The following CD274 variants were observed in gnomAD, a reference collection of about 807,000 sequenced individuals.
CD274 encodes programmed cell death 1 ligand 1.
In CD274, 8 loss-of-function variants were observed where a neutral mutation model predicts 30.1. The ratio of observed to expected loss-of-function variants is 0.27; its 90% CI spans 0.16 to 0.48. The LOEUF is 0.48. Among genes scored for constraint, CD274 ranks in the 20% least tolerant of loss-of-function variants. The probability of loss-of-function intolerance (pLI) is 0.99; values close to 1 mark genes in which losing one functional copy is unlikely to be tolerated. For missense variants in CD274, 353 were observed against 346.6 expected (o/e 1.02, Z -0.15); for synonymous variants, 152 against 124.6 (o/e 1.22, Z -1.46).
chr9:5,465,748 T>C, intron 5 of CD274, 142 bp downstream of exon 5: 1 of 569,606 alleles, frequency 1.8e-6, no homozygotes, highest in African/African-American at 1.9e-5. Flanking sequence ...ATATTGAAGC[T>C]GAGTGGGATC....
At position 5,468,919 on chromosome 9, in the gene CD274, A is replaced by G. The variant is rs1021847474; in HGVS notation, c.*1057A>G. 2 of 233,166 alleles carry G rather than the reference A, an allele frequency of 8.6e-6. No homozygotes were observed. Among genetic ancestry groups the G allele is most frequent in the Non-Finnish European group, 1.7e-5 (2 of 117,946 alleles). The allele number at this position is 233,166 out of a possible 1,614,324, so 14.4% of individuals were successfully genotyped here. On this transcript the variant is annotated 3_prime_UTR_variant, in exon 7 of 7. Coordinates refer to ENST00000381577, the MANE Select transcript of CD274 (RefSeq NM_014143.4). ...AATCGCTGTGCCAGGCATTGAATCT[A>G]CAGATGTGAGCAAGACAAAGTACCT... is the stretch of plus-strand genomic sequence containing the variant.
intron 1 of CD274, among the ~76,000 whole-genome samples, chr9:5,453,328 C>A (rs1349800282): frequency 6.6e-6 from 1 of 152,026 alleles, no homozygotes; most frequent in Non-Finnish European, 1.5e-5. Flanking sequence ...TTCAAATTAG[C>A]AAAAAAATAA....
Position 5,469,197 on chromosome 9 carries a change from A to G in CD274, c.*1335A>G, listed in dbSNP as rs1819546611. On this transcript the variant is annotated 3_prime_UTR_variant, in exon 7 of 7. Transcript: ENST00000381577. ...AAAATAACACTGGAATTCCTTTTCT[A>G]GCATTATATTTATTCCTGATTTGCC... The G allele has an allele frequency of 4.3e-6, 1 of 232,946 alleles. No homozygotes were observed. Among genetic ancestry groups the G allele is most frequent in the African/African-American group, 2.2e-5 (1 of 45,344 alleles). 14.4% of individuals were successfully genotyped at this position (232,946 alleles called of 1,614,324 possible).
In CD274 at chr9:5,467,935, G is replaced by C. The variant is rs369067104; in HGVS notation, c.*73G>C. On this transcript the variant is annotated 3_prime_UTR_variant, in exon 7 of 7. Transcript: ENST00000381577. ...GTTTAGGGGTTCATCGGGGCTGAGC[G>C]TGACAAGAGGAAGGAATGGGCCCGT... is the stretch of plus-strand genomic sequence containing the variant. 2 of 1,333,652 alleles carry C rather than the reference G, an allele frequency of 1.5e-6. No homozygotes were observed. 82.6% of individuals were successfully genotyped at this position (1,333,652 alleles called of 1,614,324 possible).
Position 5,469,612 on chromosome 9 carries a change from C to A in CD274, c.*1750C>A, listed in dbSNP as rs968816826. 2.6e-5 allele frequency: 6 copies of A among 232,084 alleles called. No homozygotes were observed. The highest frequency in any genetic ancestry group is 1.3e-4 in the African/African-American group (6 of 45,264). 14.4% of individuals were successfully genotyped at this position (232,084 alleles called of 1,614,324 possible). A position where few individuals can be genotyped will look rare whatever the true frequency, so the allele number is the denominator to read the frequency against. ...ATTTGAAGTTCCCAGGGCTGAGGATCCATGCCTTCTTTGTTTCTAAGTTAT... is the reference window on the plus strand; with the variant it reads ...ATTTGAAGTTCCCAGGGCTGAGGATACATGCCTTCTTTGTTTCTAAGTTAT... On this transcript the variant is annotated 3_prime_UTR_variant, in exon 7 of 7. Transcript: ENST00000381577.
chr9:5,467,677 C>A (rs1420418133), intron 6 of CD274, among the ~76,000 whole-genome samples, 163 bp from the exon 7 acceptor site: 1 of 152,150 alleles, frequency 6.6e-6, no homozygotes, highest in Non-Finnish European at 1.5e-5. Flanking sequence ...TCCAGGATAT[C>A]ATGTAAGGAT....
chr9:5,466,878 A>T lies in CD274; in HGVS notation c.850+49A>T, dbSNP rs373422180. The T allele has an allele frequency of 2.4e-4, 327 of 1,355,270 alleles. 2 individuals carry two copies. The South Asian group carries it at 2.8e-3, about 12-fold the overall frequency. The allele number at this position is 1,355,270 out of a possible 1,614,324, so 84.0% of individuals were successfully genotyped here. A position where few individuals can be genotyped will look rare whatever the true frequency, so the allele number is the denominator to read the frequency against. On this transcript the variant is annotated intron_variant, in intron 6 of 6. Coordinates refer to ENST00000381577, the MANE Select transcript of CD274 (RefSeq NM_014143.4). ...GAAGTAAAAGTCAAAGGAAACAAAA[A>T]GCTAAAGCAATAACAAAGAGAAATC...
At chr9:5,462,499 T>C (rs1037304076) in intron 3 of CD274, among the ~76,000 whole-genome samples, 1 of 152,176 alleles carries the variant, frequency 6.6e-6, no homozygotes, top group Non-Finnish European at 1.5e-5. Flanking sequence ...ATTTAAGGGG[T>C]ACAAGAGCAG....
chr9:5,464,884 T>C (rs1027147805), intron 4 of CD274, among the ~76,000 whole-genome samples: 1 of 152,094 alleles, frequency 6.6e-6, no homozygotes, highest in Non-Finnish European at 1.5e-5. Flanking sequence ...GTCAGGAGTT[T>C]GTGACCAGCC....
At chr9:5,451,847 T>C (rs1819209644) in intron 1 of CD274, among the ~76,000 whole-genome samples, 1 of 152,048 alleles carries the variant, frequency 6.6e-6, no homozygotes, top group Non-Finnish European at 1.5e-5. Context: ...CTTAAGAATT[T>C]TTTTTTTGTT....
At position 5,467,856 on chromosome 9, in the gene CD274, G is replaced by C. The variant is rs766429149; in HGVS notation, c.867G>C (p.Glu289Asp). Residue 289 changes from glutamate (E) to aspartate (D), a missense_variant, in exon 7 of 7, where the codon GAG becomes GAC. Transcript: ENST00000381577. The stretch of plus-strand genomic sequence containing the variant: ...ACTCTCCAGATACACATTTGGAGGA[G>C]ACGTAATCCAGCATTGGAACTTCTG... ...SKKQSDTHLEET is the reference protein window; with the variant it reads ...SKKQSDTHLEDT 6.2e-7 allele frequency: 1 copy of C among 1,610,562 alleles called. No homozygotes were observed. Among genetic ancestry groups the C allele is most frequent in the African/African-American group, 1.3e-5 (1 of 74,826 alleles).
At chr9:5,466,901 A>G (rs2131233370) in intron 6 of CD274, 72 bp downstream of exon 6, 1 of 1,147,196 alleles carries the variant, frequency 8.7e-7, no homozygotes, top group Non-Finnish European at 1.3e-6. Context: ...ACAAAGAGAA[A>G]TCCATCAGTC....
intron 3 of CD274, among the ~76,000 whole-genome samples, chr9:5,459,179 G>A (rs1320024525): frequency 2.6e-5 from 4 of 152,158 alleles, no homozygotes; most frequent in Non-Finnish European, 5.9e-5. Context: ...TTCCAAGGGG[G>A]AGTTCTTCCT....
At position 5,470,396 on chromosome 9, in the gene CD274, G is replaced by A; in HGVS notation, c.*2534G>A. The A allele has an allele frequency of 4.3e-6, 1 of 231,470 alleles. No homozygotes were observed. Among genetic ancestry groups the A allele is most frequent in the African/African-American group, 2.2e-5 (1 of 45,340 alleles). The allele number at this position is 231,470 out of a possible 1,614,324, so 14.3% of individuals were successfully genotyped here. ...TTTGTCTCATGTTTCATCGTAAATG[G>A]CATAGGCAGAGATGATACCTAATTC... On this transcript the variant is annotated 3_prime_UTR_variant, in exon 7 of 7. Transcript: ENST00000381577.
At chr9:5,465,010 C>T (rs944977296) in intron 4 of CD274, among the ~76,000 whole-genome samples, 2 of 151,120 alleles carry the variant, frequency 1.3e-5, no homozygotes, top group Non-Finnish European at 2.9e-5. Flanking sequence ...TTGCTTGAAC[C>T]TGGGAGGCGG....
intron 1 of CD274, among the ~76,000 whole-genome samples, chr9:5,452,269 G>T (rs1206733586): frequency 1.3e-5 from 2 of 152,038 alleles, no homozygotes; most frequent in African/African-American, 4.8e-5. Flanking sequence ...CGCCTGCCTC[G>T]GCCTCCCAAA....
intron 1 of CD274, among the ~76,000 whole-genome samples, chr9:5,454,683 G>A (rs981939291): frequency 6.6e-6 from 1 of 151,872 alleles, no homozygotes; most frequent in African/African-American, 2.4e-5. Context: ...TAGATTTCTA[G>A]GAGAGGGTGA....
intron 1 of CD274, among the ~76,000 whole-genome samples, chr9:5,451,654 T>TA (rs759000430): frequency 2.6e-5 from 4 of 152,192 alleles, no homozygotes; most frequent in Admixed American, 6.5e-5. Context: ...TGACAGCAGT[T>TA]AGAGTGTGGT....
At position 5,468,688 on chromosome 9, in the gene CD274, G is replaced by T. The variant is rs565795807; in HGVS notation, c.*826G>T. The T allele has an allele frequency of 4.3e-6, 1 of 232,590 alleles. No individual in the cohort carries two copies. Among genetic ancestry groups the T allele is most frequent in the Non-Finnish European group, 8.5e-6 (1 of 117,810 alleles). The allele number at this position is 232,590 out of a possible 1,614,324, so 14.4% of individuals were successfully genotyped here. On this transcript the variant is annotated 3_prime_UTR_variant, in exon 7 of 7. Transcript: ENST00000381577. ...CCTACACACATAATCTCATTTCATC[G>T]CTGTAACCACCCTGTTGTGATAACC...
Sources: allele counts gnomAD v4.1 joint callset (sites outside exome capture counted in the v4.1 genomes callset), GRCh38; gene constraint gnomAD v4.1.1; transcripts MANE v1.5; gene names NCBI Gene and HGNC (gene_info 2026-07-23, HGNC 2026-07-21).